The following LRMDA variants were observed in gnomAD, a reference collection of about 807,000 sequenced individuals.
The protein encoded by LRMDA is leucine rich melanocyte differentiation associated.
In LRMDA, 18 loss-of-function variants were observed where a neutral mutation model predicts 29.8. The observed-to-expected ratio is 0.60, with a 90% CI of 0.42 to 0.90. The LOEUF (loss-of-function observed/expected upper bound fraction) is 0.90, where lower values mean the gene tolerates loss of function less well. Among genes scored for constraint, LRMDA ranks in the 40% least tolerant of loss-of-function variants. The pLI, the probability that LRMDA is intolerant of heterozygous loss-of-function variation, is 0.00. For missense variants in LRMDA, 273 were observed against 273.9 expected (o/e 1.00, Z 0.02); for synonymous variants, 125 against 109.4 (o/e 1.14, Z -0.89).
At chr10:75,910,986 C>T (rs1000497341) in intron 2 of LRMDA, among the ~76,000 whole-genome samples, 1 of 152,038 alleles carries the variant, frequency 6.6e-6, no homozygotes, top group Non-Finnish European at 1.5e-5. Context: ...CAATCACCCT[C>T]AGCATATCCT....
In LRMDA at chr10:76,218,858, G is replaced by T. The variant is rs142936597; in HGVS notation, c.517-105543G>T. ...TAACCTGATAGGGTTCCTTTCTTGT[G>T]GGTTGGTGTTAGACACAGTCCCATG... On this transcript the variant is annotated intron_variant, in intron 5 of 6. Transcript: ENST00000611255. Among the ~76,000 whole-genome samples the T allele has an allele frequency of 1.2e-3, 188 of 152,314 alleles. 1 individual carries two copies. The South Asian group carries it at 0.014, about 11-fold the overall frequency.
intron 5 of LRMDA, among the ~76,000 whole-genome samples, chr10:76,197,657 A>G (rs1473577879): frequency 6.6e-6 from 1 of 152,106 alleles, no homozygotes; most frequent in Non-Finnish European, 1.5e-5. Flanking sequence ...ATTGGTTCAC[A>G]CCTGTAATCT....
chr10:76,282,207 G>A (rs1840214979), intron 5 of LRMDA, among the ~76,000 whole-genome samples: 1 of 152,200 alleles, frequency 6.6e-6, no homozygotes, highest in Non-Finnish European at 1.5e-5. Flanking sequence ...CTGACCTGCA[G>A]TATATTCAGT....
intron 5 of LRMDA, among the ~76,000 whole-genome samples, chr10:76,170,678 G>T (rs1898094): frequency 0.81 from 123,378 of 152,182 alleles, 50,808 homozygotes; most frequent in East Asian, 1. Context: ...ATCATATAAA[G>T]GAAACTATAT....
At chr10:76,512,070 C>T (rs776117953) in intron 6 of LRMDA, among the ~76,000 whole-genome samples, 16 of 152,130 alleles carry the variant, frequency 1.1e-4, no homozygotes, top group Admixed American at 2.0e-4. Context: ...GGGATAGTTT[C>T]GCCCATACTG....
chr10:75,540,445 T>G (rs1284671187), intron 2 of LRMDA, among the ~76,000 whole-genome samples: 1 of 152,208 alleles, frequency 6.6e-6, no homozygotes, highest in Non-Finnish European at 1.5e-5. Flanking sequence ...GTCCCATGTG[T>G]GTGGCCATAG....
intron 2 of LRMDA, among the ~76,000 whole-genome samples, chr10:75,654,698 G>A (rs1841645309): frequency 6.6e-6 from 1 of 152,174 alleles, no homozygotes. Flanking sequence ...TCACCGCACA[G>A]TAATGCAACT....
chr10:75,701,075 G>A (rs1023478889), intron 2 of LRMDA, among the ~76,000 whole-genome samples: 41 of 152,206 alleles, frequency 2.7e-4, no homozygotes, highest in Non-Finnish European at 3.8e-4. Context: ...CCTGCATTGA[G>A]TGTGACTGTG....
intron 5 of LRMDA, among the ~76,000 whole-genome samples, chr10:76,252,279 T>A (rs1188241506): frequency 2.6e-5 from 4 of 152,068 alleles, no homozygotes; most frequent in Admixed American, 6.5e-5. Context: ...TCACCACAAA[T>A]GTGTCACCAT....
intron 2 of LRMDA, among the ~76,000 whole-genome samples, chr10:75,847,138 C>T (rs1844652334): frequency 6.6e-6 from 1 of 152,074 alleles, no homozygotes; most frequent in African/African-American, 2.4e-5. Context: ...AGATGGTGTG[C>T]TATTGACATA....
chr10:75,680,329 A>G (rs1842008899), intron 2 of LRMDA, among the ~76,000 whole-genome samples: 1 of 152,220 alleles, frequency 6.6e-6, no homozygotes, highest in Non-Finnish European at 1.5e-5. Flanking sequence ...TACACGAACC[A>G]AATCTGGGAA....
intron 5 of LRMDA, among the ~76,000 whole-genome samples, chr10:76,163,840 C>T (rs576159310): frequency 6.0e-4 from 91 of 152,286 alleles, no homozygotes; most frequent in African/African-American, 2.2e-3. Flanking sequence ...GAAGATGAGT[C>T]TCATGAATCC....
chr10:76,260,243 TC>T (rs1449945841), intron 5 of LRMDA, among the ~76,000 whole-genome samples: 2 of 152,174 alleles, frequency 1.3e-5, no homozygotes, highest in African/African-American at 4.8e-5. Flanking sequence ...TTGCCTTGCT[TC>T]TTTTCTCTTT....
chr10:75,903,449 G>A (rs1225576466), intron 2 of LRMDA, among the ~76,000 whole-genome samples: 2 of 152,222 alleles, frequency 1.3e-5, no homozygotes, highest in Non-Finnish European at 2.9e-5. Flanking sequence ...CTGAAAGAAA[G>A]GAGCCATAAA....
At chr10:76,383,161 T>C (rs1841613367) in intron 6 of LRMDA, among the ~76,000 whole-genome samples, 1 of 152,154 alleles carries the variant, frequency 6.6e-6, no homozygotes, top group Non-Finnish European at 1.5e-5. Flanking sequence ...CAGTGACAAA[T>C]ACATGATCTG....
At chr10:76,040,609 A>G (rs1445868377) in intron 3 of LRMDA, among the ~76,000 whole-genome samples, 1 of 152,038 alleles carries the variant, frequency 6.6e-6, no homozygotes, top group African/African-American at 2.4e-5. Flanking sequence ...ACGAGCATGC[A>G]CACGCCATCC....
intron 6 of LRMDA, among the ~76,000 whole-genome samples, chr10:76,426,507 T>G (rs1035307156): frequency 6.6e-6 from 1 of 152,202 alleles, no homozygotes; most frequent in African/African-American, 2.4e-5. Context: ...TATTAGCCCT[T>G]TGTCAGATGA....
chr10:76,131,196 A>G (rs1057370344), intron 5 of LRMDA, among the ~76,000 whole-genome samples: 1 of 151,896 alleles, frequency 6.6e-6, no homozygotes, highest in East Asian at 1.9e-4. Flanking sequence ...GCTTGTCACA[A>G]ATGCTTTTTG....
At chr10:75,516,220 A>C (rs1845286733) in intron 2 of LRMDA, among the ~76,000 whole-genome samples, 1 of 152,232 alleles carries the variant, frequency 6.6e-6, no homozygotes, top group African/African-American at 2.4e-5. Context: ...GTATATACCC[A>C]GTAATGGAAT....
Sources: gnomAD v4.1 joint callset for allele counts (sites outside exome capture counted in the v4.1 genomes callset) on GRCh38, gnomAD v4.1.1 for gene constraint, MANE v1.5 for transcripts, NCBI Gene and HGNC (gene_info 2026-07-23, HGNC 2026-07-21) for gene names.